The following AGAP1 variants were observed in gnomAD, a reference collection of about 807,000 sequenced individuals.
The protein encoded by AGAP1 is ArfGAP with GTPase domain, ankyrin repeat and PH domain 1.
AGAP1 carries 29 observed loss-of-function variants against 105.3 expected under a neutral mutation model. The ratio of observed to expected loss-of-function variants is 0.28; its 90% CI spans 0.21 to 0.38. The LOEUF is 0.38. Ranked by LOEUF, AGAP1 falls within the 10% of genes least tolerant of loss-of-function variation. AGAP1 has a pLI of 1.00. For missense variants in AGAP1, 998 were observed against 1,165.1 expected, an observed-to-expected ratio of 0.86 and a Z score of 2.09; for synonymous variants, 509 against 485.9, an observed-to-expected ratio of 1.05 and a Z score of -0.63.
intron 16 of AGAP1, among the ~76,000 whole-genome samples, chr2:236,117,628 G>A (rs1366550153): frequency 6.6e-6 from 1 of 152,220 alleles, no homozygotes; most frequent in Non-Finnish European, 1.5e-5. Flanking sequence ...TCAAATAGTT[G>A]TGGGATTTTA....
At chr2:236,067,785 G>A (rs2058385510) in intron 16 of AGAP1, among the ~76,000 whole-genome samples, 1 of 152,180 alleles carries the variant, frequency 6.6e-6, no homozygotes, top group African/African-American at 2.4e-5. Flanking sequence ...GAGGTGAGAC[G>A]AGGAAGAGCG....
chr2:235,871,699 G>GT (rs1214349548), intron 9 of AGAP1, among the ~76,000 whole-genome samples: 2 of 152,346 alleles, frequency 1.3e-5, no homozygotes, highest in African/African-American at 4.8e-5. Context: ...TCATTTGACT[G>GT]TTTCTTATAA....
intron 13 of AGAP1, among the ~76,000 whole-genome samples, chr2:236,022,265 C>T (rs1315759110): frequency 6.6e-6 from 1 of 152,080 alleles, no homozygotes; most frequent in East Asian, 1.9e-4. Context: ...CGTAATTGAC[C>T]TGTGGGGATT....
Position 236,056,101 on chromosome 2 carries a change from T to C in AGAP1, c.2114+6820T>C, listed in dbSNP as rs1163886887. ...GGTGGGAATCCAGGCAAGCTCTCCA[T>C]AAAGACTGGCTCTAATTATAAGAAA... On this transcript the variant is annotated intron_variant, in intron 16 of 17. Coordinates refer to ENST00000304032, the MANE Select transcript of AGAP1 (RefSeq NM_001037131.3). This position sits in a 1 kb window ranked among gnomAD's most constrained non-coding sequence, Gnocchi z 4.6. Among the ~76,000 whole-genome samples, 1 of 152,200 alleles carries C rather than the reference T, an allele frequency of 6.6e-6. No individual in the cohort carries two copies.
Position 235,611,684 on chromosome 2 carries a change from A to G in AGAP1, c.164-97495A>G, listed in dbSNP as rs912526179. Reference sequence around the variant, plus strand: ...GGATAGTAAACCAGTTGTGAGGAACATTGTATAGAGAAAAAACAACCTTGA... The same window carrying G: ...GGATAGTAAACCAGTTGTGAGGAACGTTGTATAGAGAAAAAACAACCTTGA... On this transcript the variant is annotated intron_variant, in intron 1 of 17. Transcript: ENST00000304032. This position sits in a 1 kb window ranked among gnomAD's most constrained non-coding sequence, Gnocchi z 5.0. Among the ~76,000 whole-genome samples, 3 of 152,342 alleles carry G rather than the reference A, an allele frequency of 2.0e-5. No homozygotes were observed. The highest frequency in any genetic ancestry group is 7.2e-5 in the African/African-American group (3 of 41,578).
intron 11 of AGAP1, among the ~76,000 whole-genome samples, chr2:235,911,350 ATGC>A (rs1318310776): frequency 1.3e-5 from 2 of 152,116 alleles, no homozygotes; most frequent in African/African-American, 4.8e-5. Context: ...AGACCCAGTG[ATGC>A]TGCGGTCGGC....
Position 235,619,704 on chromosome 2 carries a change from G to GGACAAGATT in AGAP1, c.164-89473_164-89465dup, listed in dbSNP as rs1946415295. On this transcript the variant is annotated intron_variant, in intron 1 of 17. Transcript: ENST00000304032. Reference sequence around the variant, plus strand: ...ATCCTGGGCTGGCTGCACTAGAAGGGGACAAGATTGCCAAGAGGCGGCCAG... The same window carrying GGACAAGATT: ...ATCCTGGGCTGGCTGCACTAGAAGGGGACAAGATTGACAAGATTGCCAAGAGGCGGCCAG... Among the ~76,000 whole-genome samples the GGACAAGATT allele has an allele frequency of 2.0e-5, 3 of 152,282 alleles. No individual in the cohort carries two copies. In the South Asian group the frequency reaches 6.2e-4, roughly 32 times the overall value.
At chr2:235,630,049 T>C (rs1246002331) in intron 1 of AGAP1, among the ~76,000 whole-genome samples, 2 of 152,126 alleles carry the variant, frequency 1.3e-5, no homozygotes, top group African/African-American at 2.4e-5. Flanking sequence ...AATTTTTTTT[T>C]CCAGCAGGAT....
chr2:235,575,305 G>A (rs1944697296), intron 1 of AGAP1, among the ~76,000 whole-genome samples: 1 of 152,156 alleles, frequency 6.6e-6, no homozygotes, highest in Non-Finnish European at 1.5e-5. Flanking sequence ...ATGTTTTAAT[G>A]TGTATTAAAA....
chr2:235,699,075 C>G (rs1232635050), intron 1 of AGAP1, among the ~76,000 whole-genome samples: 1 of 151,216 alleles, frequency 6.6e-6, no homozygotes, highest in African/African-American at 2.4e-5. Flanking sequence ...GACATCCCCC[C>G]CCCCCACCCC....
rs893424120 is a variant in AGAP1 at position 236,095,171 on chromosome 2, T to C, written c.2115-25021T>C. Among the ~76,000 whole-genome samples, 2 of 151,628 alleles carry C rather than the reference T, an allele frequency of 1.3e-5. No homozygotes were observed. Among genetic ancestry groups the C allele is most frequent in the Non-Finnish European group, 2.9e-5 (2 of 67,916 alleles). On this transcript the variant is annotated intron_variant, in intron 16 of 17. Coordinates refer to ENST00000304032, the MANE Select transcript of AGAP1 (RefSeq NM_001037131.3). The surrounding 1 kb of genome is among the most constrained non-coding windows in gnomAD (Gnocchi z 4.1). ...CAACACTTCGGGAGGCCAAGGCGGG[T>C]GGATTGCTTGAGCTCAGGAGTTCGA...
At chr2:235,996,988 A>G (rs746043559) in intron 13 of AGAP1, among the ~76,000 whole-genome samples, 5 of 152,232 alleles carry the variant, frequency 3.3e-5, no homozygotes, top group African/African-American at 9.7e-5. Flanking sequence ...ATTGAGACCT[A>G]TTTAATTATT....
rs1180951601 is a variant in AGAP1 at position 236,130,305 on chromosome 2, C to T, written c.*6183C>T. ...TCCCCCAACCTGAGGATGGTGAAACCATATGATAGAGACTCCTTGTCGAAG... is the reference window on the plus strand; with the variant it reads ...TCCCCCAACCTGAGGATGGTGAAACTATATGATAGAGACTCCTTGTCGAAG... On this transcript the variant is annotated 3_prime_UTR_variant, in exon 18 of 18. Coordinates refer to ENST00000304032, the MANE Select transcript of AGAP1 (RefSeq NM_001037131.3). This position sits in a 1 kb window ranked among gnomAD's most constrained non-coding sequence, Gnocchi z 5.8. 1 of 151,934 alleles carries T rather than the reference C, an allele frequency of 6.6e-6. No individual in the cohort carries two copies. The highest frequency in any genetic ancestry group is 6.6e-5 in the Admixed American group (1 of 15,192). 9.4% of individuals were successfully genotyped at this position (151,934 alleles called of 1,614,324 possible).
chr2:235,766,524 C>T (rs1227601120), intron 6 of AGAP1, among the ~76,000 whole-genome samples: 1 of 152,160 alleles, frequency 6.6e-6, no homozygotes. Flanking sequence ...ATAAGATACA[C>T]TCCGTAAAGC....
intron 15 of AGAP1, among the ~76,000 whole-genome samples, chr2:236,043,588 A>ATGG (rs1187390680): frequency 1.5e-5 from 2 of 130,300 alleles, no homozygotes; most frequent in East Asian, 4.9e-4. Flanking sequence ...TTAGCCGGGC[A>ATGG]TGGTGGCATA....
intron 12 of AGAP1, among the ~76,000 whole-genome samples, chr2:235,948,213 C>T (rs2053581249): frequency 1.3e-5 from 2 of 152,200 alleles, no homozygotes; most frequent in African/African-American, 4.8e-5. Flanking sequence ...GACAGGGTCT[C>T]ACTGTGTCAT....
chr2:235,637,974 T>G (rs1180186609), intron 1 of AGAP1, among the ~76,000 whole-genome samples: 4 of 152,192 alleles, frequency 2.6e-5, no homozygotes, highest in African/African-American at 9.6e-5. Flanking sequence ...TGATGCCCTC[T>G]GCATGGGTGA....
intron 1 of AGAP1, among the ~76,000 whole-genome samples, chr2:235,630,039 A>C (rs999643723): frequency 6.6e-6 from 1 of 152,140 alleles, no homozygotes. Flanking sequence ...GATTACATTT[A>C]ATTTTTTTTT....
In AGAP1 at chr2:235,958,020, G is replaced by A. The variant is rs997118238; in HGVS notation, c.1484-10442G>A. Among the ~76,000 whole-genome samples the A allele has an allele frequency of 6.6e-6, 1 of 152,176 alleles. No homozygotes were observed. Among genetic ancestry groups the A allele is most frequent in the Non-Finnish European group, 1.5e-5 (1 of 68,022 alleles). ...AGGGGCAGGGGGCCGATACATACGT[G>A]CTTAGCATTTTCCTCTCTCTTTTCT... On this transcript the variant is annotated intron_variant, in intron 12 of 17. Transcript: ENST00000304032. This position sits in a 1 kb window ranked among gnomAD's most constrained non-coding sequence, Gnocchi z 4.1.
Sources: allele counts gnomAD v4.1 joint callset (sites outside exome capture counted in the v4.1 genomes callset), GRCh38; gene constraint gnomAD v4.1.1; non-coding constraint Gnocchi (gnomAD v3.1); transcripts MANE v1.5; gene names NCBI Gene and HGNC (gene_info 2026-07-23, HGNC 2026-07-21).